MTUS1: variants seen among roughly 807,000 people sequenced by gnomAD.
MTUS1 encodes the protein microtubule-associated tumor suppressor 1.
Under a neutral mutation model 120.8 loss-of-function variants are expected in MTUS1, and 109 were observed. The ratio of observed to expected loss-of-function variants is 0.90; its 90% CI spans 0.77 to 1.06. The LOEUF (loss-of-function observed/expected upper bound fraction) is 1.06. Ranked by LOEUF, MTUS1 falls within the 50% of genes least tolerant of loss-of-function variation. The pLI is 0.00. For missense variants in MTUS1, 2,210 were observed against 1,486.3 expected (o/e 1.49, Z -8.01); for synonymous variants, 737 against 550.5 (o/e 1.34, Z -4.74).
intron 6 of MTUS1, chr8:17,691,823 C>T (rs752670263): frequency 9.9e-5 from 15 of 152,058 alleles, no homozygotes; most frequent in African/African-American, 3.6e-4. Context: ...TGAATAAATG[C>T]CCTCCTAATC....
chr8:17,653,555 CTA>C (rs1453051785), intron 10 of MTUS1, 57 bp from the exon 11 acceptor site: 3 of 1,256,812 alleles, frequency 2.4e-6, no homozygotes, highest in Non-Finnish European at 3.5e-6. Flanking sequence ...TCAATGTACT[CTA>C]AAACAGTTAA....
chr8:17,728,096 C>G (rs771584528), intron 3 of MTUS1, among the ~76,000 whole-genome samples: 7 of 152,124 alleles, frequency 4.6e-5, no homozygotes, highest in Non-Finnish European at 1.0e-4. Context: ...TTAATATTAT[C>G]CTATTCTGTA....
intron 3 of MTUS1, among the ~76,000 whole-genome samples, chr8:17,732,069 C>T (rs2046622396): frequency 6.6e-6 from 1 of 152,220 alleles, no homozygotes; most frequent in South Asian, 2.1e-4. Context: ...CCCTGAGATG[C>T]CGTCCTTTGC....
At chr8:17,740,103 G>T (rs2047200148) in intron 3 of MTUS1, among the ~76,000 whole-genome samples, 1 of 151,990 alleles carries the variant, frequency 6.6e-6, no homozygotes, top group African/African-American at 2.4e-5. Context: ...AGCTACTCAG[G>T]AGGCTGAGGC....
intron 4 of MTUS1, chr8:17,721,711 CTTTTT>C (rs35946468): frequency 6.4e-7 from 1 of 1,553,384 alleles, no homozygotes. Flanking sequence ...CGTCGACCTA[CTTTTT>C]TTCCCAGTAA....
chr8:17,775,554 A>C (rs2050356462), intron 1 of MTUS1, among the ~76,000 whole-genome samples: 1 of 152,358 alleles, frequency 6.6e-6, no homozygotes, highest in East Asian at 1.9e-4. Context: ...ACATATGAAC[A>C]AGTTTCCTAA....
intron 6 of MTUS1, among the ~76,000 whole-genome samples, chr8:17,696,420 T>C (rs397933): frequency 0.046 from 7,027 of 152,224 alleles, 528 homozygotes; most frequent in African/African-American, 0.16. Flanking sequence ...AAAATCTATT[T>C]ACATCCTCAT....
chr8:17,673,669 G>A (rs1038187187), intron 8 of MTUS1, among the ~76,000 whole-genome samples: 43 of 152,052 alleles, frequency 2.8e-4, no homozygotes, highest in African/African-American at 1.0e-3. Context: ...TGCTCAAGCT[G>A]GTCTCAAACT....
intron 1 of MTUS1, among the ~76,000 whole-genome samples, chr8:17,769,311 C>G (rs1327131592): frequency 7.0e-6 from 1 of 142,900 alleles, no homozygotes; most frequent in African/African-American, 2.6e-5. Flanking sequence ...CATTCACAAA[C>G]TCTTAAAACT....
At chr8:17,732,178 G>A (rs2046630749) in intron 3 of MTUS1, among the ~76,000 whole-genome samples, 1 of 152,228 alleles carries the variant, frequency 6.6e-6, no homozygotes, top group South Asian at 2.1e-4. Context: ...GCCACATGCT[G>A]ATGTGAGATG....
intron 1 of MTUS1, among the ~76,000 whole-genome samples, chr8:17,773,904 G>A (rs942661199): frequency 1.3e-5 from 2 of 152,068 alleles, no homozygotes; most frequent in East Asian, 1.9e-4. Flanking sequence ...TTCTGAGGTG[G>A]AAGCCAGGGC....
At chr8:17,654,966 G>T in intron 9 of MTUS1, 1 of 312,470 alleles carries the variant, frequency 3.2e-6, no homozygotes, top group Non-Finnish European at 6.0e-6. Context: ...AACGCAACTG[G>T]GATTCACCGC....
chr8:17,676,918 G>A (rs146773586), intron 7 of MTUS1, among the ~76,000 whole-genome samples: 1 of 152,314 alleles, frequency 6.6e-6, no homozygotes, highest in African/African-American at 2.4e-5. Flanking sequence ...CTGAGAGTTG[G>A]AGATCCCATA....
At chr8:17,771,074 T>C (rs2049987286) in intron 1 of MTUS1, among the ~76,000 whole-genome samples, 1 of 152,248 alleles carries the variant, frequency 6.6e-6, no homozygotes, top group Non-Finnish European at 1.5e-5. Context: ...TACATTAATC[T>C]GGCTACAATT....
At chr8:17,670,364 C>CA (rs1306758140) in intron 8 of MTUS1, among the ~76,000 whole-genome samples, 1 of 152,168 alleles carries the variant, frequency 6.6e-6, no homozygotes, top group Non-Finnish European at 1.5e-5. Flanking sequence ...GATGAGAAAA[C>CA]AGCTGGCAAT....
chr8:17,723,658 T>C lies in MTUS1; in HGVS notation c.2449+14A>G. On this transcript the variant is annotated intron_variant, in intron 4 of 14. Coordinates refer to ENST00000693296, the MANE Select transcript of MTUS1 (RefSeq NM_001363059.2). ...TTTCCACAACCCCCGAAGTGTGATA[T>C]AAAGTCGACTTACAATTGTTGCTGT... The C allele has an allele frequency of 6.2e-7, 1 of 1,605,042 alleles. No individual in the cohort carries two copies.
At chr8:17,741,410 T>G (rs1323637946) in intron 3 of MTUS1, among the ~76,000 whole-genome samples, 1 of 152,204 alleles carries the variant, frequency 6.6e-6, no homozygotes, top group Non-Finnish European at 1.5e-5. Context: ...TCCAGTTACA[T>G]TAACTTTGTT....
intron 1 of MTUS1, chr8:17,800,717 C>T (rs1194415640): frequency 3.0e-4 from 46 of 152,248 alleles, no homozygotes; most frequent in Admixed American, 3.0e-3. Flanking sequence ...GCTTTCTCGG[C>T]CCCGCTTGCT....
At chr8:17,744,131 A>G (rs1280890468) in intron 2 of MTUS1, among the ~76,000 whole-genome samples, 1 of 152,176 alleles carries the variant, frequency 6.6e-6, no homozygotes, top group African/African-American at 2.4e-5. Context: ...TTTTACCCCA[A>G]AATATTTTTC....
Sources: gnomAD v4.1 joint callset for allele counts (sites outside exome capture counted in the v4.1 genomes callset) on GRCh38, gnomAD v4.1.1 for gene constraint, MANE v1.5 for transcripts, NCBI Gene and HGNC (gene_info 2026-07-23, HGNC 2026-07-21) for gene names.